The following UBE3D variants were observed in gnomAD, a reference collection of about 807,000 sequenced individuals.
The protein encoded by UBE3D is ubiquitin protein ligase E3D, also known as E3 ubiquitin-protein ligase E3D.
A neutral mutation model predicts 49.6 loss-of-function variants in UBE3D; 48 were observed. The ratio of observed to expected loss-of-function variants is 0.97; its 90% CI spans 0.77 to 1.23. UBE3D has a LOEUF of 1.23. Among genes scored for constraint, UBE3D ranks in the 50% most tolerant of loss-of-function variants. The pLI, the probability that UBE3D is intolerant of heterozygous loss-of-function variation, is 0.00. For missense variants in UBE3D, 452 were observed against 468.4 expected (o/e 0.96, Z 0.32); for synonymous variants, 189 against 174.2 (o/e 1.08, Z -0.67).
chr6:82,944,910 T>G (rs1160718982), intron 9 of UBE3D, among the ~76,000 whole-genome samples: 2 of 152,218 alleles, frequency 1.3e-5, no homozygotes, highest in Non-Finnish European at 2.9e-5. Flanking sequence ...TGGGAAGGAC[T>G]GTTTATCATG....
intron 9 of UBE3D, among the ~76,000 whole-genome samples, chr6:82,911,611 TTTTA>T (rs1772532796): frequency 6.6e-6 from 1 of 152,180 alleles, no homozygotes; most frequent in Non-Finnish European, 1.5e-5. Context: ...GTGAGACAGA[TTTTA>T]TTTCTTTTGA....
intron 5 of UBE3D, 171 bp downstream of exon 5, chr6:83,038,245 T>C (rs946611602): frequency 1.1e-5 from 6 of 552,720 alleles, no homozygotes; most frequent in African/African-American, 5.8e-5. Flanking sequence ...GGTCAAAATA[T>C]ACAAACTTCT....
intron 9 of UBE3D, among the ~76,000 whole-genome samples, chr6:82,919,145 C>A (rs1008536594): frequency 1.3e-5 from 2 of 152,066 alleles, no homozygotes; most frequent in African/African-American, 4.8e-5. Context: ...TGAATCCTGG[C>A]CTCCTTTGCC....
intron 5 of UBE3D, chr6:83,035,901 A>G (rs1276464015): frequency 6.6e-6 from 1 of 152,184 alleles, no homozygotes; most frequent in African/African-American, 2.4e-5. Flanking sequence ...ACAAATACTT[A>G]CTGGGTACTC....
intron 3 of UBE3D, among the ~76,000 whole-genome samples, chr6:83,052,276 A>G (rs1783519019): frequency 6.6e-6 from 1 of 152,168 alleles, no homozygotes; most frequent in Non-Finnish European, 1.5e-5. Flanking sequence ...AGTCTGTACT[A>G]CTAGACAGAC....
intron 8 of UBE3D, among the ~76,000 whole-genome samples, chr6:83,000,737 C>G (rs977154198): frequency 2.0e-5 from 3 of 152,110 alleles, no homozygotes; most frequent in African/African-American, 7.2e-5. Context: ...TTACAGCCAC[C>G]CTGACCTTCC....
chr6:83,054,231 A>G lies in UBE3D; in HGVS notation c.282T>C (p.Ile94=). The G allele has an allele frequency of 6.2e-7, 1 of 1,613,374 alleles. No individual in the cohort carries two copies. Among genetic ancestry groups the G allele is most frequent in the Non-Finnish European group, 8.5e-7 (1 of 1,179,374 alleles). ...TTTGCGAGCTTTGATTAAACATTGA[A>G]ATCAGTTCTAAAGGAAGTCAATGAA... ...QTQAKLGTKL[I]SMFNQSSQTQ... Residue 94 remains isoleucine (I), a synonymous_variant, in exon 3 of 10, where the codon ATT becomes ATC. Coordinates refer to ENST00000369747, the MANE Select transcript of UBE3D (RefSeq NM_198920.3).
Position 83,038,393 on chromosome 6 carries a change from GCTT to G in UBE3D, c.667+20_667+22del. The stretch of plus-strand genomic sequence containing the variant: ...TTTAAGCAAGAAGCCAATCATTTTG[GCTT>G]CTTGTTATGAAATTCTTACCTGATG... On this transcript the variant is annotated intron_variant, in intron 5 of 9. Transcript: ENST00000369747. 6.3e-7 allele frequency: 1 copy of G among 1,596,156 alleles called. No individual in the cohort carries two copies. Among genetic ancestry groups the G allele is most frequent in the Non-Finnish European group, 8.6e-7 (1 of 1,168,628 alleles).
intron 9 of UBE3D, among the ~76,000 whole-genome samples, chr6:82,906,398 G>A (rs61525644): frequency 0.062 from 9,367 of 152,172 alleles, 959 homozygotes; most frequent in African/African-American, 0.22. Context: ...TTAATCCACT[G>A]CAGTCATTCT....
At chr6:82,931,229 A>C (rs1774124596) in intron 9 of UBE3D, among the ~76,000 whole-genome samples, 1 of 152,194 alleles carries the variant, frequency 6.6e-6, no homozygotes, top group African/African-American at 2.4e-5. Context: ...GGATATATGG[A>C]AGTGCCTGGA....
intron 8 of UBE3D, among the ~76,000 whole-genome samples, chr6:82,958,576 CTTA>C (rs1420880521): frequency 2.6e-5 from 4 of 152,140 alleles, no homozygotes; most frequent in Admixed American, 6.5e-5. Context: ...AATCAGGTTA[CTTA>C]TTATGCTGAC....
At chr6:83,029,347 A>AT (rs959675166) in intron 5 of UBE3D, among the ~76,000 whole-genome samples, 16 of 151,820 alleles carry the variant, frequency 1.1e-4, no homozygotes, top group Admixed American at 6.6e-4. Context: ...AAGTTCAATA[A>AT]TTTTTTTTAT....
intron 8 of UBE3D, among the ~76,000 whole-genome samples, chr6:82,967,662 G>T (rs1777048734): frequency 6.6e-6 from 1 of 151,906 alleles, no homozygotes; most frequent in East Asian, 1.9e-4. Flanking sequence ...TTTAAAAAGA[G>T]ATGGGGTCCT....
At chr6:82,947,836 T>C (rs1043248138) in intron 9 of UBE3D, among the ~76,000 whole-genome samples, 2 of 151,884 alleles carry the variant, frequency 1.3e-5, no homozygotes, top group African/African-American at 4.8e-5. Flanking sequence ...TGGAAACACA[T>C]ATACCAAAAC....
At chr6:82,919,306 A>G (rs1264534927) in intron 9 of UBE3D, among the ~76,000 whole-genome samples, 1 of 151,964 alleles carries the variant, frequency 6.6e-6, no homozygotes, top group African/African-American at 2.4e-5. Flanking sequence ...GGCTGGCCTT[A>G]GAAGTATCAG....
At chr6:82,989,865 C>T (rs552137969) in intron 8 of UBE3D, among the ~76,000 whole-genome samples, 5 of 152,232 alleles carry the variant, frequency 3.3e-5, no homozygotes, top group Non-Finnish European at 7.3e-5. Flanking sequence ...CACTGCCCTG[C>T]TTCCTCTGAA....
chr6:82,937,551 T>C (rs1444852659), intron 9 of UBE3D, among the ~76,000 whole-genome samples: 1 of 152,182 alleles, frequency 6.6e-6, no homozygotes, highest in Non-Finnish European at 1.5e-5. Flanking sequence ...GTCCTCTCAG[T>C]AGCAGCTCCA....
At chr6:82,929,451 T>C (rs1773985352) in intron 9 of UBE3D, among the ~76,000 whole-genome samples, 1 of 152,204 alleles carries the variant, frequency 6.6e-6, no homozygotes, top group Admixed American at 6.5e-5. Context: ...CTGATTTTAA[T>C]TTCATTTTGT....
rs1428019469 is a variant in UBE3D, at chr6:83,018,973, T to G, written c.1010A>C (p.Lys337Thr). The change falls in exon 8 of 10, where the codon AAA becomes ACA. Residue 337 changes from lysine (K) to threonine (T), a missense_variant and splice_region_variant. Transcript: ENST00000369747. ...AAGAGAAAACAAATGCACAACTTAC[T>G]TTTCATTCCTGCTTTTGATGCATGG... ...YQPCIKSRNEKLVSLWESDIS... is the reference protein window; with the variant it reads ...YQPCIKSRNETLVSLWESDIS... 1 of 1,612,116 alleles carries G rather than the reference T, an allele frequency of 6.2e-7. No homozygotes were observed. Among genetic ancestry groups the G allele is most frequent in the Admixed American group, 1.7e-5 (1 of 59,386 alleles).
Sources: allele counts gnomAD v4.1 joint callset (sites outside exome capture counted in the v4.1 genomes callset), GRCh38; gene constraint gnomAD v4.1.1; transcripts MANE v1.5; gene names NCBI Gene and HGNC (gene_info 2026-07-23, HGNC 2026-07-21).